The following MAP1A variants were observed in gnomAD, a reference collection of about 807,000 sequenced individuals.
The protein encoded by MAP1A is microtubule-associated protein 1A.
A neutral mutation model predicts 185.9 loss-of-function variants in MAP1A; 42 were observed. That is an observed-to-expected ratio of 0.23 (90% confidence interval 0.18 to 0.29). MAP1A has a LOEUF of 0.29. Among genes scored for constraint, MAP1A ranks in the 10% least tolerant of loss-of-function variants. MAP1A has a pLI of 1.00. For synonymous variants in MAP1A, 1,229 were observed against 1,335.9 expected, an observed-to-expected ratio of 0.92 and a Z score of 1.74; for missense variants, 2,995 against 3,450.4, an observed-to-expected ratio of 0.87 and a Z score of 3.31.
chr15:43,523,807 T>G lies in MAP1A; in HGVS notation c.2334T>G (p.Pro778=). ...FHTSTYDLPG[P]EGAGPFEASQ... is the part of the protein sequence containing the mutation. ...CAAGTACATATGACCTGCCCGGGCCTGAAGGTGCTGGCCCATTCGAAGCCA... is the reference window on the plus strand; with the variant it reads ...CAAGTACATATGACCTGCCCGGGCCGGAAGGTGCTGGCCCATTCGAAGCCA... Residue 778 remains proline, a synonymous_variant, in exon 4 of 6, where the codon CCT becomes CCG. Transcript: ENST00000300231. 6.2e-7 allele frequency: 1 copy of G among 1,614,004 alleles called. No homozygotes were observed. The highest frequency in any genetic ancestry group is 8.5e-7 in the Non-Finnish European group (1 of 1,179,992).
upstream of MAP1A, among the ~76,000 whole-genome samples, chr15:43,515,452 G>C (rs191190850): frequency 2.0e-5 from 3 of 152,262 alleles, no homozygotes; most frequent in Admixed American, 6.5e-5. Context: ...CTTTAGTTCT[G>C]GGTTTACCTG....
Position 43,521,660 on chromosome 15 carries a change from G to A in MAP1A, c.187G>A (p.Asp63Asn). Residue 63 changes from aspartate (D) to asparagine (N), a missense_variant, in exon 4 of 6, where the codon GAT becomes AAT. Physicochemically the swap from Asp to Asn is conservative, Grantham distance 23. Transcript: ENST00000300231. This position sits in a 1 kb window ranked among gnomAD's most constrained non-coding sequence, Gnocchi z 4.6. ...TGTCAATGGTTTCAACATCCTGGTG[G>A]ATGGTGGCTCTGATCGCAAGTCCTG... ...FAVNGFNILV[D>N]GGSDRKSCFW... is the part of the protein sequence containing the mutation. The A allele has an allele frequency of 6.2e-7, 1 of 1,614,136 alleles. No individual in the cohort carries two copies. Among genetic ancestry groups the A allele is most frequent in the Non-Finnish European group, 8.5e-7 (1 of 1,180,036 alleles).
chr15:43,527,934 T>A lies in MAP1A; in HGVS notation c.6461T>A (p.Leu2154Gln). 6.2e-7 allele frequency: 1 copy of A among 1,614,142 alleles called. No individual in the cohort carries two copies. Among genetic ancestry groups the A allele is most frequent in the Non-Finnish European group, 8.5e-7 (1 of 1,180,018 alleles). The stretch of plus-strand genomic sequence containing the variant: ...GTTAGCCCTCCCTTGGACTCACACC[T>A]GGGGCCTGCCCGACCCAGTCTGGAC... ...AHVSPPLDSHLGPARPSLDFP... is the reference protein window; with the variant it reads ...AHVSPPLDSHQGPARPSLDFP... The change falls in exon 4 of 6, where the codon CTG (leucine) becomes CAG (glutamine). Residue 2154 changes from leucine to glutamine, a missense_variant. Transcript: ENST00000300231.
In MAP1A at chr15:43,529,522, G is replaced by A; in HGVS notation, c.8035+14G>A. 1 of 1,600,466 alleles carries A rather than the reference G, an allele frequency of 6.2e-7. No homozygotes were observed. The highest frequency in any genetic ancestry group is 8.5e-7 in the Non-Finnish European group (1 of 1,171,398). On this transcript the variant is annotated intron_variant, in intron 4 of 5. Coordinates refer to ENST00000300231, the MANE Select transcript of MAP1A (RefSeq NM_002373.6). This position sits in a 1 kb window ranked among gnomAD's most constrained non-coding sequence, Gnocchi z 4.3. ...AGGCAGGACCAAGTAAGTATATCAT[G>A]AAACTTGGCAGAGAGTGTGGGTTAG...
At position 43,527,528 on chromosome 15, in the gene MAP1A, TCTC is replaced by T. The variant is rs1306330831; in HGVS notation, c.6058_6060del (p.Pro2020del). On this transcript the variant is annotated inframe_deletion, in exon 4 of 6. Coordinates refer to ENST00000300231, the MANE Select transcript of MAP1A (RefSeq NM_002373.6). ...CACATCTGCAGAGAAGGAGCTTTCA[TCTC>T]CTATCTCACCCAAGAGCCTCCAGTC... 1 of 1,613,948 alleles carries T rather than the reference TCTC, an allele frequency of 6.2e-7. No individual in the cohort carries two copies. Among genetic ancestry groups the T allele is most frequent in the Non-Finnish European group, 8.5e-7 (1 of 1,179,970 alleles).
Position 43,527,850 on chromosome 15 carries a change from GTCC to G in MAP1A, c.6383_6385del (p.Pro2128del), listed in dbSNP as rs748996142. On this transcript the variant is annotated inframe_deletion, in exon 4 of 6. Coordinates refer to ENST00000300231, the MANE Select transcript of MAP1A (RefSeq NM_002373.6). The stretch of plus-strand genomic sequence containing the variant: ...CCAGAAAAAGAGGCCCAATCCCCAA[GTCC>G]TCCTCACCCCATTCCTATGGGGTCC... 8 of 1,613,898 alleles carry G rather than the reference GTCC, an allele frequency of 5.0e-6. No homozygotes were observed. The highest frequency in any genetic ancestry group is 1.6e-4 in the Middle Eastern group (1 of 6,084).
rs1474060385 is a variant in MAP1A at position 43,530,233 on chromosome 15, C to T, written c.*9C>T. The T allele has an allele frequency of 1.9e-6, 3 of 1,613,748 alleles. No individual in the cohort carries two copies. The South Asian group carries it at 3.3e-5, about 18-fold the overall frequency. The stretch of plus-strand genomic sequence containing the variant: ...GCAAGATTGAGTTCTGAAAGAGCCG[C>T]CCTCCCTTCCCCAAGGATCCACTCC... On this transcript the variant is annotated 3_prime_UTR_variant, in exon 6 of 6. Transcript: ENST00000300231.
In MAP1A at chr15:43,525,863, C is replaced by T. The variant is rs765941231; in HGVS notation, c.4390C>T (p.Leu1464=). The change falls in exon 4 of 6, where the codon CTG becomes TTG. Residue 1464 remains leucine, a synonymous_variant. Transcript: ENST00000300231. ...DKALEQKDTA[L]EQKDKALEPK... is the part of the protein sequence containing the mutation. ...AGCCTTAGAACAAAAGGATACAGCCCTGGAACAGAAGGACAAGGCCCTGGA... is the reference window on the plus strand; with the variant it reads ...AGCCTTAGAACAAAAGGATACAGCCTTGGAACAGAAGGACAAGGCCCTGGA... 5.1e-6 allele frequency: 8 copies of T among 1,578,528 alleles called. No individual in the cohort carries two copies. The African/African-American group carries it at 1.1e-4, about 22-fold the overall frequency.
At chr15:43,513,555 T>G (rs2079289302), upstream of MAP1A, among the ~76,000 whole-genome samples, 1 of 152,250 alleles carries the variant, frequency 6.6e-6, no homozygotes, top group Non-Finnish European at 1.5e-5. Flanking sequence ...AACTGCCAAA[T>G]CTTTGATCAC....
chr15:43,517,139 A>G (rs997339553), upstream of MAP1A, among the ~76,000 whole-genome samples: 2 of 152,022 alleles, frequency 1.3e-5, no homozygotes, highest in African/African-American at 4.8e-5. Flanking sequence ...TGCATCCCCA[A>G]CCTTTGTCTT....
Position 43,524,898 on chromosome 15 carries a change from A to C in MAP1A, c.3425A>C (p.Asp1142Ala). Residue 1142 changes from aspartate to alanine, a missense_variant, in exon 4 of 6, where the codon GAC becomes GCC. By Grantham distance (126) the Asp-to-Ala change is moderately radical. Coordinates refer to ENST00000300231, the MANE Select transcript of MAP1A (RefSeq NM_002373.6). ...PQKDEVLRYP[D>A]RSLSPEDAES... ...AAAGATGAGGTGCTCAGATATCCTG[A>C]CCGAAGCCTCTCTCCTGAAGATGCA... 6.2e-7 allele frequency: 1 copy of C among 1,614,164 alleles called. No individual in the cohort carries two copies. The highest frequency in any genetic ancestry group is 2.2e-5 in the East Asian group (1 of 44,878).
In MAP1A at chr15:43,526,901, G is replaced by A. The variant is rs1401331510; in HGVS notation, c.5428G>A (p.Val1810Ile). 1 of 1,614,076 alleles carries A rather than the reference G, an allele frequency of 6.2e-7. No individual in the cohort carries two copies. The highest frequency in any genetic ancestry group is 8.5e-7 in the Non-Finnish European group (1 of 1,180,004). ...CCCACCTGAGATGGTTGGACAAAGG[G>A]TTCCTTCAGCCCCAGGACAAGAGAG... ...ASPPEMVGQR[V>I]PSAPGQESPI... Residue 1810 changes from valine (V) to isoleucine (I), a missense_variant, in exon 4 of 6, where the codon GTT (valine) becomes ATT (isoleucine). Transcript: ENST00000300231. The surrounding 1 kb of genome is among the most constrained non-coding windows in gnomAD (Gnocchi z 4.7).
At chr15:43,516,321 C>T (rs531422602), upstream of MAP1A, among the ~76,000 whole-genome samples, 1 of 152,170 alleles carries the variant, frequency 6.6e-6, no homozygotes, top group Non-Finnish European at 1.5e-5. Flanking sequence ...AGTGACTCAG[C>T]TCCTCCTCTC....
In MAP1A at chr15:43,525,425, A is replaced by G; in HGVS notation, c.3952A>G (p.Thr1318Ala). 1 of 1,614,142 alleles carries G rather than the reference A, an allele frequency of 6.2e-7. No homozygotes were observed. The highest frequency in any genetic ancestry group is 1.3e-5 in the African/African-American group (1 of 75,056). Residue 1318 changes from threonine to alanine, a missense_variant, in exon 4 of 6, where the codon ACA becomes GCA. Transcript: ENST00000300231. ...CACAAGCCCTGATGAACACATTCTGACACCTGATAGCTCCTTCTCCAAGAG... is the reference window on the plus strand; with the variant it reads ...CACAAGCCCTGATGAACACATTCTGGCACCTGATAGCTCCTTCTCCAAGAG... Reference protein sequence around the residue: ...AITSPDEHILTPDSSFSKSPE... With the variant: ...AITSPDEHILAPDSSFSKSPE...
Position 43,524,949 on chromosome 15 carries a change from C to T in MAP1A, c.3476C>T (p.Pro1159Leu). 1 of 1,614,134 alleles carries T rather than the reference C, an allele frequency of 6.2e-7. No individual in the cohort carries two copies. Residue 1159 changes from proline (P) to leucine (L), a missense_variant, in exon 4 of 6, where the codon CCC becomes CTC. Pro to Leu is a moderately conservative substitution (Grantham distance 98). Coordinates refer to ENST00000300231, the MANE Select transcript of MAP1A (RefSeq NM_002373.6). ...GAATCCCTCTCTGTCCTCAGCGTGCCCTCCCCAGACACTGCCAACCAAGAG... is the reference window on the plus strand; with the variant it reads ...GAATCCCTCTCTGTCCTCAGCGTGCTCTCCCCAGACACTGCCAACCAAGAG... ...DAESLSVLSV[P>L]SPDTANQEPT...
At chr15:43,518,615 G>T (rs567730003) in intron 1 of MAP1A, among the ~76,000 whole-genome samples, 7 of 151,914 alleles carry the variant, frequency 4.6e-5, no homozygotes, top group Non-Finnish European at 8.8e-5. Flanking sequence ...ACACACTGCG[G>T]CAAACTGCAG....
Position 43,528,867 on chromosome 15 carries a change from A to C in MAP1A, c.7394A>C (p.Asp2465Ala), listed in dbSNP as rs565202590. The C allele has an allele frequency of 1.1e-5, 17 of 1,613,036 alleles. No homozygotes were observed. In the African/African-American group the frequency reaches 2.1e-4, roughly 20 times the overall value. ...PPLPPSIDDR[D>A]LSTEEVRLVG... The stretch of plus-strand genomic sequence containing the variant: ...CTGCCCCCATCCATAGATGATAGGG[A>C]CCTCTCAACTGAGGAAGTTCGGCTA... The change falls in exon 4 of 6, where the codon GAC becomes GCC. Residue 2465 changes from aspartate (D) to alanine (A), a missense_variant. Transcript: ENST00000300231.
At chr15:43,516,940 GT>G (rs1210111807), upstream of MAP1A, among the ~76,000 whole-genome samples, 2 of 152,156 alleles carry the variant, frequency 1.3e-5, no homozygotes, top group Non-Finnish European at 2.9e-5. Flanking sequence ...TGCCTGTGTG[GT>G]TACTGTGTTA....
chr15:43,511,051 G>A (rs983821918), exon 1 of MAP1A: 1 of 1,549,126 alleles, frequency 6.5e-7, no homozygotes, highest in African/African-American at 1.4e-5. Context: ...CTCCGGGGCT[G>A]GGGCTCCGAA....
Sources: allele counts gnomAD v4.1 joint callset (sites outside exome capture counted in the v4.1 genomes callset), GRCh38; gene constraint gnomAD v4.1.1; non-coding constraint Gnocchi (gnomAD v3.1); transcripts MANE v1.5; gene names NCBI Gene and HGNC (gene_info 2026-07-23, HGNC 2026-07-21).